Variants in NCOA3 observed in about 807,000 individuals in gnomAD.
NCOA3 encodes the protein CBP-interacting protein.
In NCOA3, 51 loss-of-function variants were observed where a neutral mutation model predicts 158.8. The observed-to-expected ratio is 0.32, with a 90% CI of 0.26 to 0.41. NCOA3 has a LOEUF of 0.41. Ranked by LOEUF, NCOA3 falls within the 10% of genes least tolerant of loss-of-function variation. The pLI, the probability that NCOA3 is intolerant of heterozygous loss-of-function variation, is 1.00. For missense variants in NCOA3, 1,510 were observed against 1,746.6 expected, an observed-to-expected ratio of 0.86 and a Z score of 2.41; for synonymous variants, 537 against 592.4, an observed-to-expected ratio of 0.91 and a Z score of 1.36.
intron 1 of NCOA3, among the ~76,000 whole-genome samples, chr20:47,533,062 G>A (rs1158423199): frequency 7.6e-6 from 1 of 132,164 alleles, no homozygotes; most frequent in Non-Finnish European, 1.5e-5. Context: ...CCAGGATTGT[G>A]CCATTGCACT....
rs1169550754 is a variant in NCOA3, at chr20:47,635,720, G to A, written c.1504+7G>A. On this transcript the variant is annotated splice_region_variant and intron_variant, in intron 11 of 22. Coordinates refer to ENST00000371998, the MANE Select transcript of NCOA3 (RefSeq NM_181659.3). Reference sequence around the variant, plus strand: ...CAGTTTTCTCCTGTTGCAGGTATTTGTGTTGACATTTCCTTTTATTTTTTT... The same window carrying A: ...CAGTTTTCTCCTGTTGCAGGTATTTATGTTGACATTTCCTTTTATTTTTTT... 2 of 1,599,440 alleles carry A rather than the reference G, an allele frequency of 1.3e-6. No individual in the cohort carries two copies. The highest frequency in any genetic ancestry group is 1.7e-6 in the Non-Finnish European group (2 of 1,173,992).
intron 17 of NCOA3, among the ~76,000 whole-genome samples, chr20:47,645,783 T>A (rs2086676987): frequency 6.6e-6 from 1 of 152,130 alleles, no homozygotes; most frequent in Non-Finnish European, 1.5e-5. Flanking sequence ...GGTGGGAGGA[T>A]CACATGAACC....
chr20:47,627,108 CA>C lies in NCOA3; in HGVS notation c.466del (p.Ser156ValfsTer45). On this transcript the variant is annotated frameshift_variant, in exon 6 of 23. Coordinates refer to ENST00000371998, the MANE Select transcript of NCOA3 (RefSeq NM_181659.3). LOFTEE classifies it high-confidence loss of function. ...TATAAGCAAGAGGACCTGGTTAACA[CA>C]AGTGTTTACAATATCTTACATGAAG... The part of the protein sequence containing the change: ...LQYKQEDLVN[T>X]SVYNILHEED... The C allele has an allele frequency of 6.2e-7, 1 of 1,612,750 alleles. No homozygotes were observed.
intron 1 of NCOA3, among the ~76,000 whole-genome samples, chr20:47,516,026 A>G (rs2084228030): frequency 6.6e-6 from 1 of 152,190 alleles, no homozygotes; most frequent in Non-Finnish European, 1.5e-5. Flanking sequence ...GGTTGCCAGG[A>G]GTTAGTGGGG....
Position 47,501,969 on chromosome 20 carries a change from G to A in NCOA3, c.-149G>A, listed in dbSNP as rs13041997. 16 of 399,942 alleles carry A rather than the reference G, an allele frequency of 4.0e-5. No homozygotes were observed. The highest frequency in any genetic ancestry group is 3.3e-4 in the African/African-American group (16 of 48,706). The allele number at this position is 399,942 out of a possible 1,614,324, so 24.8% of individuals were successfully genotyped here. On this transcript the variant is annotated 5_prime_UTR_variant, in exon 1 of 23. Transcript: ENST00000371998. ...GCGGCCGGCGGCGGCTGCGGGCTGA[G>A]CGGCGAGTTTCCGATTTAAAGCTGA...
chr20:47,634,157 T>A lies in NCOA3; in HGVS notation c.1074T>A (p.Asn358Lys). ...AACTCTTCCGAAATCCTGTAACAAA[T>A]GATCGACATGGCTTTGTCTCAACCC... is the stretch of plus-strand genomic sequence containing the variant. ...KSKLFRNPVT[N>K]DRHGFVSTHF... The change falls in exon 10 of 23, where the codon AAT becomes AAA. Residue 358 changes from asparagine (N) to lysine (K), a missense_variant. Around this residue, in one of 4 missense-constraint regions of NCOA3, gnomAD observed 1,017 missense variants for 1,098.3 expected, o/e 0.93. Coordinates refer to ENST00000371998, the MANE Select transcript of NCOA3 (RefSeq NM_181659.3). The A allele has an allele frequency of 6.2e-7, 1 of 1,614,178 alleles. No homozygotes were observed. Among genetic ancestry groups the A allele is most frequent in the Non-Finnish European group, 8.5e-7 (1 of 1,180,028 alleles).
At chr20:47,522,405 CCT>C (rs1568651485) in intron 1 of NCOA3, among the ~76,000 whole-genome samples, 1 of 139,566 alleles carries the variant, frequency 7.2e-6, no homozygotes, top group Non-Finnish European at 1.5e-5. Flanking sequence ...AGCGCCCGGC[CCT>C]TTTTTTTTTT....
chr20:47,533,704 G>A (rs953026093), intron 1 of NCOA3, among the ~76,000 whole-genome samples: 2 of 152,132 alleles, frequency 1.3e-5, no homozygotes, highest in African/African-American at 4.8e-5. Flanking sequence ...CGAGGAGGGT[G>A]GATTTCTTGA....
intron 1 of NCOA3, among the ~76,000 whole-genome samples, chr20:47,518,867 G>A (rs1430520033): frequency 6.6e-6 from 1 of 152,142 alleles, no homozygotes; most frequent in East Asian, 1.9e-4. Context: ...CTGGTGCGGT[G>A]GCTCACGCCT....
At chr20:47,561,299 CT>C (rs34668605) in intron 1 of NCOA3, among the ~76,000 whole-genome samples, 1,563 of 117,668 alleles carry the variant, frequency 0.013, 28 homozygotes, top group African/African-American at 0.035. Flanking sequence ...TTCAAGTTGA[CT>C]TTTTTTTTTT....
intron 1 of NCOA3, among the ~76,000 whole-genome samples, chr20:47,578,791 T>A (rs774527923): frequency 8.5e-5 from 13 of 152,164 alleles, no homozygotes; most frequent in Non-Finnish European, 1.8e-4. Flanking sequence ...TGGCTCCCCT[T>A]TTCTGTGATT....
At chr20:47,547,932 A>T (rs2042816334) in intron 1 of NCOA3, among the ~76,000 whole-genome samples, 1 of 150,288 alleles carries the variant, frequency 6.7e-6, no homozygotes, top group Admixed American at 6.7e-5. Context: ...GGGTTTACCA[A>T]GTTGGCCAGG....
chr20:47,541,899 A>AT (rs2084744083), intron 1 of NCOA3, among the ~76,000 whole-genome samples: 1 of 151,866 alleles, frequency 6.6e-6, no homozygotes, highest in Non-Finnish European at 1.5e-5. Context: ...TTCAAACAAG[A>AT]TGCAGACATT....
rs780531559 is a variant in NCOA3 at position 47,651,079 on chromosome 20, AGCAGCAGCAGCAACAG to A, written c.3750_3765del (p.Gln1250HisfsTer32). 8.8e-6 allele frequency: 11 copies of A among 1,255,104 alleles called. No homozygotes were observed. Among genetic ancestry groups the A allele is most frequent in the African/African-American group, 1.5e-5 (1 of 68,370 alleles). 77.7% of individuals were successfully genotyped at this position (1,255,104 alleles called of 1,614,324 possible). On this transcript the variant is annotated frameshift_variant, in exon 20 of 23. Coordinates refer to ENST00000371998, the MANE Select transcript of NCOA3 (RefSeq NM_181659.3). LOFTEE classifies it high-confidence loss of function. ...AGGGTGGCTATGATGATGCAGCAGC[AGCAGCAGCAGCAACAG>A]CAGCAGCAGCAGCAGCAGCAGCAGC...
At chr20:47,542,028 T>TTG (rs1555802262) in intron 1 of NCOA3, among the ~76,000 whole-genome samples, 36 of 81,764 alleles carry the variant, frequency 4.4e-4, no homozygotes, top group East Asian at 1.3e-3. Flanking sequence ...TTTTTTTTTT[T>TTG]TTGTTGTTGT....
At chr20:47,581,798 G>A (rs953892316) in intron 1 of NCOA3, among the ~76,000 whole-genome samples, 8 of 152,160 alleles carry the variant, frequency 5.3e-5, no homozygotes, top group Non-Finnish European at 1.5e-5. Context: ...CTGTTTATAT[G>A]TTCATGTGTT....
intron 2 of NCOA3, among the ~76,000 whole-genome samples, chr20:47,599,923 G>T (rs2143491): frequency 6.6e-6 from 1 of 151,788 alleles, no homozygotes; most frequent in South Asian, 2.1e-4. Flanking sequence ...GCTATCTTGC[G>T]CAATGCCTCC....
intron 1 of NCOA3, among the ~76,000 whole-genome samples, chr20:47,576,285 G>A (rs368242336): frequency 6.6e-6 from 1 of 152,138 alleles, no homozygotes; most frequent in African/African-American, 2.4e-5. Context: ...CCTTCAGTTA[G>A]ATGTCTTTAT....
chr20:47,505,040 G>A (rs1265286074), intron 1 of NCOA3, among the ~76,000 whole-genome samples: 1 of 56,068 alleles, frequency 1.8e-5, no homozygotes, highest in Non-Finnish European at 3.6e-5. Flanking sequence ...GCGGGCAGGG[G>A]CGTTTTTTTT....
Sources: allele counts gnomAD v4.1 joint callset (sites outside exome capture counted in the v4.1 genomes callset), GRCh38; gene constraint gnomAD v4.1.1; regional missense constraint gnomAD v4.1.1; transcripts MANE v1.5; gene names NCBI Gene and HGNC (gene_info 2026-07-23, HGNC 2026-07-21).